Variants in ADGRB3 observed in about 807,000 individuals in gnomAD.
The protein encoded by ADGRB3 is adhesion G protein-coupled receptor B3, also known as brain-specific angiogenesis inhibitor 3.
ADGRB3 carries 37 observed loss-of-function variants against 193.4 expected under a neutral mutation model. That is an observed-to-expected ratio of 0.19 (90% CI 0.15 to 0.25). The LOEUF (loss-of-function observed/expected upper bound fraction) is 0.25, where lower values mean the gene tolerates loss of function less well. Ranked by LOEUF, ADGRB3 falls within the 10% of genes least tolerant of loss-of-function variation. The probability of loss-of-function intolerance (pLI) is 1.00; values close to 1 mark genes in which losing one functional copy is unlikely to be tolerated. For synonymous variants in ADGRB3, 690 were observed against 644.2 expected (o/e 1.07, Z -1.08); for missense variants, 1,637 against 1,852.9 (o/e 0.88, Z 2.14).
chr6:68,678,585 G>C (rs1464551925), intron 3 of ADGRB3, among the ~76,000 whole-genome samples: 1 of 152,162 alleles, frequency 6.6e-6, no homozygotes, highest in African/African-American at 2.4e-5. Flanking sequence ...CAGAATATGG[G>C]TGTAATCAAA....
chr6:68,828,225 C>T (rs979981656), intron 3 of ADGRB3, among the ~76,000 whole-genome samples: 3 of 151,796 alleles, frequency 2.0e-5, no homozygotes, highest in East Asian at 3.9e-4. Context: ...AAGTGCAATA[C>T]ATTAAGAAGG....
chr6:68,930,369 CT>C (rs1433789395), intron 3 of ADGRB3, among the ~76,000 whole-genome samples, 189 bp from the exon 4 acceptor site: 1 of 151,816 alleles, frequency 6.6e-6, no homozygotes, highest in Non-Finnish European at 1.5e-5. Context: ...TTTTTGAAAT[CT>C]TGTTCATGTT....
intron 26 of ADGRB3, 152 bp from the exon 27 acceptor site, chr6:69,354,081 A>G (rs1453659770): frequency 5.8e-6 from 3 of 514,026 alleles, no homozygotes; most frequent in East Asian, 2.9e-5. Context: ...AATAGTAGTA[A>G]TAATAATAAG....
intron 16 of ADGRB3, 61 bp from the exon 17 acceptor site, chr6:69,075,934 C>A: frequency 1.6e-6 from 2 of 1,226,674 alleles, no homozygotes; most frequent in Non-Finnish European, 2.4e-6. Context: ...TTCACATAAT[C>A]CCTCAATCTT....
intron 6 of ADGRB3, among the ~76,000 whole-genome samples, chr6:68,953,112 C>G (rs1010099834): frequency 2.6e-5 from 4 of 152,086 alleles, no homozygotes; most frequent in African/African-American, 9.7e-5. Flanking sequence ...CAGTCCCCTG[C>G]CAAATTATCT....
chr6:69,318,327 A>T (rs1022282396), intron 20 of ADGRB3, among the ~76,000 whole-genome samples: 32 of 151,452 alleles, frequency 2.1e-4, no homozygotes, highest in African/African-American at 7.7e-4. Context: ...TTTCACGTTT[A>T]TTAATGTGAC....
At chr6:68,785,155 A>T (rs1313377977) in intron 3 of ADGRB3, among the ~76,000 whole-genome samples, 2 of 151,898 alleles carry the variant, frequency 1.3e-5, no homozygotes, top group African/African-American at 2.4e-5. Context: ...TTTATTTTTT[A>T]AAATTTTATT....
intron 3 of ADGRB3, among the ~76,000 whole-genome samples, chr6:68,696,964 G>C (rs1045301443): frequency 3.9e-5 from 6 of 151,936 alleles, no homozygotes. Flanking sequence ...TTAGAGAATT[G>C]TCACCTGTGC....
chr6:69,220,904 C>T (rs1765880461), intron 17 of ADGRB3, among the ~76,000 whole-genome samples: 1 of 152,074 alleles, frequency 6.6e-6, no homozygotes, highest in African/African-American at 2.4e-5. Flanking sequence ...TCACTATCTA[C>T]ACCCCTTTAT....
At chr6:69,272,084 G>A (rs967980351) in intron 20 of ADGRB3, among the ~76,000 whole-genome samples, 3 of 152,100 alleles carry the variant, frequency 2.0e-5, no homozygotes, top group African/African-American at 4.8e-5. Context: ...AAACAAAAGA[G>A]CAAACATGCA....
intron 8 of ADGRB3, among the ~76,000 whole-genome samples, chr6:68,970,409 G>A (rs1025352964): frequency 5.9e-5 from 9 of 151,710 alleles, no homozygotes; most frequent in Non-Finnish European, 4.4e-5. Context: ...TTCAGCACCT[G>A]TAGCTGGGAT....
At chr6:68,843,190 A>C (rs568875923) in intron 3 of ADGRB3, among the ~76,000 whole-genome samples, 1 of 152,022 alleles carries the variant, frequency 6.6e-6, no homozygotes, top group East Asian at 1.9e-4. Flanking sequence ...GAGCAATCAG[A>C]AAAGAGAAAG....
chr6:68,863,584 C>G (rs1446751637), intron 3 of ADGRB3, among the ~76,000 whole-genome samples: 1 of 152,032 alleles, frequency 6.6e-6, no homozygotes, highest in Non-Finnish European at 1.5e-5. Flanking sequence ...CAAACTCACA[C>G]ATTTTGAAAA....
chr6:68,835,764 G>GT (rs1477103826), intron 3 of ADGRB3, among the ~76,000 whole-genome samples: 20 of 151,636 alleles, frequency 1.3e-4, no homozygotes, highest in Non-Finnish European at 2.4e-4. Context: ...TCTTCAACTG[G>GT]TTTTTTTCTC....
intron 3 of ADGRB3, among the ~76,000 whole-genome samples, chr6:68,909,321 G>A (rs1224763630): frequency 6.6e-6 from 1 of 152,108 alleles, no homozygotes; most frequent in East Asian, 1.9e-4. Context: ...CACCCTGCCT[G>A]TGTGTATTTA....
intron 8 of ADGRB3, among the ~76,000 whole-genome samples, chr6:68,974,466 T>C (rs1253646969): frequency 2.0e-5 from 3 of 151,940 alleles, no homozygotes; most frequent in African/African-American, 7.3e-5. Flanking sequence ...TTTCTCTACG[T>C]AGAATTAAAA....
intron 3 of ADGRB3, among the ~76,000 whole-genome samples, chr6:68,828,561 G>A (rs1360707166): frequency 6.6e-6 from 1 of 152,146 alleles, no homozygotes; most frequent in Non-Finnish European, 1.5e-5. Context: ...GGTCAGGGAT[G>A]TGGGAGAAGA....
At chr6:69,312,712 T>G (rs910095681) in intron 20 of ADGRB3, among the ~76,000 whole-genome samples, 1 of 151,742 alleles carries the variant, frequency 6.6e-6, no homozygotes, top group Non-Finnish European at 1.5e-5. Flanking sequence ...ATTTTATTGT[T>G]CAAAAGTTCA....
chr6:68,642,918 T>C (rs1194381230), intron 3 of ADGRB3, among the ~76,000 whole-genome samples: 1 of 152,166 alleles, frequency 6.6e-6, no homozygotes, highest in Non-Finnish European at 1.5e-5. Context: ...GTCTTTACTA[T>C]AGTTTATAGG....
Sources: gnomAD v4.1 joint callset for allele counts (sites outside exome capture counted in the v4.1 genomes callset) on GRCh38, gnomAD v4.1.1 for gene constraint, MANE v1.5 for transcripts, NCBI Gene and HGNC (gene_info 2026-07-23, HGNC 2026-07-21) for gene names.